The following FTO variants were observed in gnomAD, a reference collection of about 807,000 sequenced individuals.
FTO encodes the protein alpha-ketoglutarate-dependent dioxygenase FTO.
A neutral mutation model predicts 63.9 loss-of-function variants in FTO; 47 were observed. The ratio of observed to expected loss-of-function variants is 0.74; its 90% CI spans 0.58 to 0.94. The LOEUF (loss-of-function observed/expected upper bound fraction) is 0.94. Among genes scored for constraint, FTO ranks in the 40% least tolerant of loss-of-function variants. The pLI is 0.00. For synonymous variants in FTO, 207 were observed against 224.4 expected (o/e 0.92, Z 0.69); for missense variants, 562 against 618.1 (o/e 0.91, Z 0.96).
intron 1 of FTO, among the ~76,000 whole-genome samples, chr16:53,746,739 T>A (rs552771362): frequency 4.5e-4 from 69 of 152,330 alleles, no homozygotes; most frequent in African/African-American, 1.6e-3. Flanking sequence ...AAATATATAA[T>A]ATGTTATTAT....
At position 53,802,016 on chromosome 16, in the gene FTO, G is replaced by A. The variant is rs113714959; in HGVS notation, c.46-8124G>A. On this transcript the variant is annotated intron_variant, in intron 1 of 8. Coordinates refer to ENST00000471389, the MANE Select transcript of FTO (RefSeq NM_001080432.3). The stretch of plus-strand genomic sequence containing the variant: ...CTCAAGTTATCCACCCGCCCACCTC[G>A]GCCTCCCAAAGTGCTGGGATTACAG... Among the ~76,000 whole-genome samples, 28 of 152,008 alleles carry A rather than the reference G, an allele frequency of 1.8e-4. 1 individual carries two copies. Among genetic ancestry groups the A allele is most frequent in the Middle Eastern group, 6.8e-3 (2 of 294 alleles).
At chr16:53,824,697 A>G (rs2078957170) in intron 2 of FTO, among the ~76,000 whole-genome samples, 1 of 152,306 alleles carries the variant, frequency 6.6e-6, no homozygotes, top group South Asian at 2.1e-4. Context: ...GAAGGAAGGT[A>G]TCTTAACAAT....
intron 1 of FTO, among the ~76,000 whole-genome samples, chr16:53,712,524 C>T (rs1320129420): frequency 6.6e-6 from 1 of 152,120 alleles, no homozygotes; most frequent in Non-Finnish European, 1.5e-5. Context: ...TAATACTGTA[C>T]CTTACTTGAA....
intron 8 of FTO, among the ~76,000 whole-genome samples, chr16:54,024,455 C>T (rs1198135736): frequency 6.6e-6 from 1 of 152,018 alleles, no homozygotes; most frequent in Non-Finnish European, 1.5e-5. Flanking sequence ...GTCTCGAACT[C>T]CTGACCTTGT....
At chr16:53,924,592 G>A (rs1456631272) in intron 7 of FTO, among the ~76,000 whole-genome samples, 4 of 150,930 alleles carry the variant, frequency 2.7e-5, no homozygotes, top group African/African-American at 7.3e-5. Context: ...TTTCCTGGGT[G>A]AGTAGACTAT....
At chr16:54,026,255 A>C (rs539991718) in intron 8 of FTO, among the ~76,000 whole-genome samples, 3 of 152,152 alleles carry the variant, frequency 2.0e-5, no homozygotes, top group Non-Finnish European at 2.9e-5. Flanking sequence ...AGGTTCTGCT[A>C]TACTTTGACT....
chr16:53,978,311 G>A (rs180932731), intron 8 of FTO, among the ~76,000 whole-genome samples: 3 of 152,248 alleles, frequency 2.0e-5, no homozygotes, highest in Non-Finnish European at 4.4e-5. Context: ...AGCAGTCTTT[G>A]GATGCCAGGA....
At chr16:53,823,392 C>A (rs1186931476) in intron 2 of FTO, among the ~76,000 whole-genome samples, 1 of 151,942 alleles carries the variant, frequency 6.6e-6, no homozygotes, top group Non-Finnish European at 1.5e-5. Flanking sequence ...TGATCTCATT[C>A]ATTTCTAGGC....
chr16:53,742,677 T>C (rs2076553590), intron 1 of FTO, among the ~76,000 whole-genome samples: 1 of 152,150 alleles, frequency 6.6e-6, no homozygotes, highest in African/African-American at 2.4e-5. Context: ...AAAAATACAT[T>C]GATTGGGTGC....
chr16:54,065,812 C>T (rs1457532875), intron 8 of FTO, among the ~76,000 whole-genome samples: 1 of 152,226 alleles, frequency 6.6e-6, no homozygotes, highest in African/African-American at 2.4e-5. Flanking sequence ...TGCCCATCAA[C>T]ACTTGGTATT....
intron 8 of FTO, among the ~76,000 whole-genome samples, chr16:54,017,926 A>C (rs1276942742): frequency 1.3e-5 from 2 of 152,072 alleles, no homozygotes; most frequent in Non-Finnish European, 2.9e-5. Context: ...CTATTTAGGA[A>C]ATTTGGAAAA....
chr16:53,864,487 T>C (rs1175610721), intron 4 of FTO, among the ~76,000 whole-genome samples: 1 of 152,190 alleles, frequency 6.6e-6, no homozygotes, highest in Non-Finnish European at 1.5e-5. Flanking sequence ...ATAGCATTGC[T>C]TCTGTGGTCT....
intron 8 of FTO, among the ~76,000 whole-genome samples, chr16:53,996,089 A>T (rs1172703555): frequency 6.6e-6 from 1 of 152,194 alleles, no homozygotes; most frequent in Non-Finnish European, 1.5e-5. Context: ...AGGTAGGAGG[A>T]CAAAAGTGAT....
At chr16:53,936,453 G>A (rs535502457) in intron 8 of FTO, among the ~76,000 whole-genome samples, 104 of 152,242 alleles carry the variant, frequency 6.8e-4, no homozygotes, top group Middle Eastern at 3.4e-3. Flanking sequence ...ATAAACAGAC[G>A]GTTACCATAC....
chr16:53,945,536 T>C (rs2082633778), intron 8 of FTO, among the ~76,000 whole-genome samples: 1 of 152,232 alleles, frequency 6.6e-6, no homozygotes, highest in Non-Finnish European at 1.5e-5. Context: ...AGTGTGGAGA[T>C]AGGCAGGTAT....
At chr16:53,716,892 A>G (rs755833508) in intron 1 of FTO, among the ~76,000 whole-genome samples, 25 of 150,678 alleles carry the variant, frequency 1.7e-4, no homozygotes, top group Non-Finnish European at 3.0e-4. Flanking sequence ...ATGCTTATAT[A>G]TAATATATAC....
chr16:53,729,566 C>A (rs1422547014), intron 1 of FTO, among the ~76,000 whole-genome samples: 3 of 151,942 alleles, frequency 2.0e-5, no homozygotes, highest in African/African-American at 7.3e-5. Flanking sequence ...GGAGATTTGC[C>A]ACTGGCTGCA....
chr16:53,873,989 T>C (rs2080577078), intron 5 of FTO, 124 bp downstream of exon 5: 7 of 722,842 alleles, frequency 9.7e-6, no homozygotes, highest in East Asian at 2.7e-5. Context: ...TAACTTGACT[T>C]TCGTCTCTGT....
chr16:54,064,588 G>A (rs748172909), intron 8 of FTO, among the ~76,000 whole-genome samples: 7 of 152,124 alleles, frequency 4.6e-5, no homozygotes, highest in Non-Finnish European at 7.4e-5. Context: ...TCCTCATTTT[G>A]GGCTAATACT....
Sources: gnomAD v4.1 joint callset for allele counts (sites outside exome capture counted in the v4.1 genomes callset) on GRCh38, gnomAD v4.1.1 for gene constraint, MANE v1.5 for transcripts, NCBI Gene and HGNC (gene_info 2026-07-23, HGNC 2026-07-21) for gene names.